GRIP1: variants seen among roughly 807,000 people sequenced by gnomAD.
The protein encoded by GRIP1 is glutamate receptor interacting protein 1, also known as glutamate receptor-interacting protein 1.
Under a neutral mutation model 129.9 loss-of-function variants are expected in GRIP1, and 45 were observed. That is an observed-to-expected ratio of 0.35 (90% confidence interval 0.27 to 0.44). GRIP1 has a LOEUF of 0.44. Among genes scored for constraint, GRIP1 ranks in the 20% least tolerant of loss-of-function variants. The probability of loss-of-function intolerance (pLI) is 1.00; values close to 1 mark genes in which losing one functional copy is unlikely to be tolerated. For missense variants in GRIP1, 1,196 were observed against 1,396.8 expected, an observed-to-expected ratio of 0.86 and a Z score of 2.29; for synonymous variants, 530 against 520.8, an observed-to-expected ratio of 1.02 and a Z score of -0.24.
At chr12:66,524,529 G>A (rs1019618280) in intron 5 of GRIP1, among the ~76,000 whole-genome samples, 1 of 151,992 alleles carries the variant, frequency 6.6e-6, no homozygotes, top group African/African-American at 2.4e-5. Flanking sequence ...ATTCAAAGCA[G>A]TGTGTAGAGG....
chr12:66,640,301 A>G (rs1447431641), intron 1 of GRIP1, among the ~76,000 whole-genome samples: 1 of 152,246 alleles, frequency 6.6e-6, no homozygotes, highest in African/African-American at 2.4e-5. Context: ...TTCCAAGCAC[A>G]TTACTTAGCA....
chr12:66,401,598 G>GTATATATATATA (rs1555177931), intron 16 of GRIP1, among the ~76,000 whole-genome samples: 1,729 of 66,056 alleles, frequency 0.026, 97 homozygotes, highest in East Asian at 0.06. Context: ...AAATATGTGT[G>GTATATATATATA]TATATATATA....
chr12:66,367,712 T>C (rs892079799), intron 23 of GRIP1, among the ~76,000 whole-genome samples: 2 of 152,132 alleles, frequency 1.3e-5, no homozygotes, highest in African/African-American at 4.8e-5. Context: ...CATATATGAG[T>C]GGGGGTATAC....
chr12:67,030,646 A>G (rs2043008962), intron 1 of GRIP1, among the ~76,000 whole-genome samples: 1 of 152,256 alleles, frequency 6.6e-6, no homozygotes, highest in South Asian at 2.1e-4. Context: ...AAACCTTCTG[A>G]GAACAGCAGA....
At chr12:66,497,045 G>A (rs1396005295) in intron 7 of GRIP1, among the ~76,000 whole-genome samples, 1 of 152,152 alleles carries the variant, frequency 6.6e-6, no homozygotes, top group Non-Finnish European at 1.5e-5. Flanking sequence ...ATGAAACACT[G>A]CTTTTAAGCT....
At chr12:66,864,043 A>G (rs2040158253) in intron 1 of GRIP1, among the ~76,000 whole-genome samples, 1 of 152,026 alleles carries the variant, frequency 6.6e-6, no homozygotes. Context: ...ACTTGGCAAG[A>G]TCTTGCTTAA....
intron 1 of GRIP1, among the ~76,000 whole-genome samples, chr12:66,651,934 C>T (rs543837567): frequency 6.6e-6 from 1 of 152,066 alleles, no homozygotes; most frequent in African/African-American, 2.4e-5. Context: ...TGAGAGTTTT[C>T]TCAGTGGAGG....
chr12:66,938,666 G>A (rs1244059710), intron 1 of GRIP1, among the ~76,000 whole-genome samples: 1 of 151,724 alleles, frequency 6.6e-6, no homozygotes, highest in East Asian at 2.0e-4. Context: ...TCCAGAGAAA[G>A]CAGAGTTTCA....
At chr12:66,908,793 G>A (rs749543095) in intron 1 of GRIP1, among the ~76,000 whole-genome samples, 64 of 152,286 alleles carry the variant, frequency 4.2e-4, no homozygotes, top group Non-Finnish European at 8.2e-4. Context: ...CCATAAAAAT[G>A]TCTTCATTGC....
chr12:66,469,661 G>T (rs751833810), intron 7 of GRIP1, among the ~76,000 whole-genome samples: 1 of 152,098 alleles, frequency 6.6e-6, no homozygotes, highest in Non-Finnish European at 1.5e-5. Context: ...ATGAAGAAAA[G>T]AGGATGTTTA....
chr12:67,046,691 A>G (rs1044069639), intron 1 of GRIP1, among the ~76,000 whole-genome samples: 3 of 152,324 alleles, frequency 2.0e-5, no homozygotes, highest in Admixed American at 2.0e-4. Context: ...CCTAAACTTA[A>G]AAGAATCTAT....
chr12:66,579,012 G>A (rs1448696715), intron 2 of GRIP1, among the ~76,000 whole-genome samples: 2 of 152,204 alleles, frequency 1.3e-5, no homozygotes, highest in Non-Finnish European at 2.9e-5. Context: ...GCACCCCCCA[G>A]TAGGGGCAGA....
chr12:66,685,740 T>C (rs560043032), intron 1 of GRIP1, among the ~76,000 whole-genome samples: 41 of 152,328 alleles, frequency 2.7e-4, no homozygotes, highest in African/African-American at 8.2e-4. Flanking sequence ...TTATTGACAG[T>C]ACTCCCTCCA....
chr12:67,012,230 C>G (rs2042719323), intron 1 of GRIP1, among the ~76,000 whole-genome samples: 1 of 152,112 alleles, frequency 6.6e-6, no homozygotes, highest in South Asian at 2.1e-4. Flanking sequence ...AAAGTTCTAC[C>G]AACCCTACAG....
At chr12:66,637,454 T>C (rs1222039853) in intron 1 of GRIP1, among the ~76,000 whole-genome samples, 2 of 152,016 alleles carry the variant, frequency 1.3e-5, no homozygotes, top group African/African-American at 4.8e-5. Context: ...CTAGTATACA[T>C]AGTAACAATT....
At chr12:66,546,792 T>C (rs1255892807) in intron 2 of GRIP1, among the ~76,000 whole-genome samples, 2 of 152,082 alleles carry the variant, frequency 1.3e-5, no homozygotes, top group African/African-American at 4.8e-5. Context: ...ATAGAAACTG[T>C]ATGAAATATT....
intron 1 of GRIP1, among the ~76,000 whole-genome samples, chr12:66,645,596 G>A (rs150983052): frequency 9.9e-5 from 15 of 152,190 alleles, no homozygotes; most frequent in Admixed American, 2.0e-4. Context: ...TGTGTTTTCC[G>A]GAATTAACTC....
chr12:66,917,655 G>A (rs900620357), intron 1 of GRIP1, among the ~76,000 whole-genome samples: 2 of 152,036 alleles, frequency 1.3e-5, no homozygotes, highest in Admixed American at 1.3e-4. Flanking sequence ...TTGCAGAGGG[G>A]AAATTTACTG....
intron 1 of GRIP1, among the ~76,000 whole-genome samples, chr12:66,666,652 C>A (rs189466562): frequency 6.6e-6 from 1 of 152,218 alleles, no homozygotes; most frequent in Admixed American, 6.5e-5. Flanking sequence ...CATTCTGCTG[C>A]ACTCTTAAAT....
Sources: gnomAD v4.1 joint callset for allele counts (sites outside exome capture counted in the v4.1 genomes callset) on GRCh38, gnomAD v4.1.1 for gene constraint, MANE v1.5 for transcripts, NCBI Gene and HGNC (gene_info 2026-07-23, HGNC 2026-07-21) for gene names.